Variants in PRKG2 observed in about 807,000 individuals in gnomAD.
The protein encoded by PRKG2 is protein kinase cGMP-dependent 2, also known as cGMP-dependent protein kinase 2.
Under a neutral mutation model 97.2 loss-of-function variants are expected in PRKG2, and 33 were observed. That is an observed-to-expected ratio of 0.34 (90% CI 0.26 to 0.45). PRKG2 has a LOEUF of 0.45. Among genes scored for constraint, PRKG2 ranks in the 20% least tolerant of loss-of-function variants. PRKG2 has a pLI of 1.00. For missense variants in PRKG2, 638 were observed against 900.0 expected, an observed-to-expected ratio of 0.71 and a Z score of 3.73; for synonymous variants, 330 against 321.8, an observed-to-expected ratio of 1.03 and a Z score of -0.27.
Position 81,144,336 on chromosome 4 carries a change from T to C in PRKG2, c.1155-6A>G, listed in dbSNP as rs1263317496. 1 of 1,594,806 alleles carries C rather than the reference T, an allele frequency of 6.3e-7. No individual in the cohort carries two copies. The highest frequency in any genetic ancestry group is 8.6e-7 in the Non-Finnish European group (1 of 1,163,046). Reference sequence around the variant, plus strand: ...CGACAGTTTGGTTGAATGTTCTAAATAGATAGAATAAAGTAAAATGCTCCG... The same window carrying C: ...CGACAGTTTGGTTGAATGTTCTAAACAGATAGAATAAAGTAAAATGCTCCG... On this transcript the variant is annotated splice_polypyrimidine_tract_variant and splice_region_variant and intron_variant, in intron 9 of 18. Coordinates refer to ENST00000264399, the MANE Select transcript of PRKG2 (RefSeq NM_006259.3).
intron 17 of PRKG2, among the ~76,000 whole-genome samples, chr4:81,098,326 A>ATACT (rs1316154696): frequency 2.0e-5 from 3 of 151,726 alleles, no homozygotes; most frequent in South Asian, 4.2e-4. Flanking sequence ...GTGTGAGTTA[A>ATACT]TAAACTCCCT....
intron 1 of PRKG2, among the ~76,000 whole-genome samples, chr4:81,208,561 A>G (rs1350894155): frequency 6.6e-6 from 1 of 152,060 alleles, no homozygotes; most frequent in African/African-American, 2.4e-5. Context: ...AGCTAGGACT[A>G]CAGAGGCACA....
At position 81,087,403 on chromosome 4, in the gene PRKG2, T is replaced by C. The variant is rs943754366; in HGVS notation, c.*2305A>G. 3 of 152,048 alleles carry C rather than the reference T, an allele frequency of 2.0e-5. No homozygotes were observed. The highest frequency in any genetic ancestry group is 2.0e-4 in the Admixed American group (3 of 15,256). The allele number at this position is 152,048 out of a possible 1,614,324, so 9.4% of individuals were successfully genotyped here. On this transcript the variant is annotated 3_prime_UTR_variant, in exon 19 of 19. Coordinates refer to ENST00000264399, the MANE Select transcript of PRKG2 (RefSeq NM_006259.3). ...TTGGTCAATCATTTTTACTTCATGA[T>C]TTAAAAGAAAAAAAAGACAGATACT...
intron 9 of PRKG2, among the ~76,000 whole-genome samples, chr4:81,146,375 C>CT (rs886880535): frequency 2.0e-5 from 3 of 151,432 alleles, no homozygotes; most frequent in African/African-American, 4.8e-5. Flanking sequence ...AACTAATGAA[C>CT]TTTTTTTTTG....
chr4:81,143,213 T>C (rs1281377156), intron 10 of PRKG2, among the ~76,000 whole-genome samples: 1 of 152,182 alleles, frequency 6.6e-6, no homozygotes, highest in African/African-American at 2.4e-5. Context: ...AAAATGGGTA[T>C]AGTTTGTGGT....
intron 15 of PRKG2, among the ~76,000 whole-genome samples, chr4:81,106,332 C>T (rs1378357725): frequency 6.6e-6 from 1 of 152,146 alleles, no homozygotes; most frequent in Admixed American, 6.5e-5. Context: ...GCAGACAGTT[C>T]TAAGACAGGA....
intron 17 of PRKG2, among the ~76,000 whole-genome samples, chr4:81,102,860 T>G (rs1303549288): frequency 6.6e-6 from 1 of 152,184 alleles, no homozygotes; most frequent in Non-Finnish European, 1.5e-5. Context: ...CCCTTCTCCC[T>G]TTATGTTCAT....
intron 14 of PRKG2, among the ~76,000 whole-genome samples, chr4:81,121,399 T>G (rs989509571): frequency 3.9e-5 from 6 of 152,172 alleles, no homozygotes; most frequent in Non-Finnish European, 5.9e-5. Flanking sequence ...AAATGTTGAC[T>G]GGAATTCACC....
intron 3 of PRKG2, chr4:81,173,986 C>T (rs954871874): frequency 6.6e-6 from 1 of 151,926 alleles, no homozygotes. Context: ...CAGAATGTGA[C>T]AAAACGTTCT....
chr4:81,124,999 C>T (rs939845216), intron 14 of PRKG2, among the ~76,000 whole-genome samples: 8 of 151,986 alleles, frequency 5.3e-5, no homozygotes, highest in Non-Finnish European at 7.4e-5. Context: ...TTTTTGTCTA[C>T]GACTCCACTC....
chr4:81,154,924 C>T (rs1007615360), intron 6 of PRKG2, among the ~76,000 whole-genome samples: 13 of 152,168 alleles, frequency 8.5e-5, no homozygotes, highest in African/African-American at 3.1e-4. Context: ...CCTGTAATCC[C>T]AGCACTTTGG....
intron 2 of PRKG2, among the ~76,000 whole-genome samples, chr4:81,178,577 A>G (rs1026985465): frequency 2.5e-4 from 38 of 152,190 alleles, no homozygotes; most frequent in African/African-American, 8.7e-4. Flanking sequence ...GAAGCTTGAC[A>G]CGCAAAAGAT....
At position 81,204,730 on chromosome 4, in the gene PRKG2, G is replaced by A; in HGVS notation, c.318C>T (p.His106=). 1 of 1,614,160 alleles carries A rather than the reference G, an allele frequency of 6.2e-7. No individual in the cohort carries two copies. Among genetic ancestry groups the A allele is most frequent in the Non-Finnish European group, 8.5e-7 (1 of 1,180,014 alleles). ...GAGAGACCAATCCAGAGGTCTTCCGGTGGACCTCAAGAGGCACTTTATCTG... is the reference window on the plus strand; with the variant it reads ...GAGAGACCAATCCAGAGGTCTTCCGATGGACCTCAAGAGGCACTTTATCTG... ...ASPDKVPLEV[H]RKTSGLVSLH... is the part of the protein sequence containing the mutation. The change falls in exon 2 of 19, where the codon CAC becomes CAT. Residue 106 remains histidine, a synonymous_variant. Transcript: ENST00000264399.
intron 6 of PRKG2, among the ~76,000 whole-genome samples, chr4:81,154,752 G>A (rs1469028048): frequency 6.6e-6 from 1 of 152,198 alleles, no homozygotes; most frequent in African/African-American, 2.4e-5. Flanking sequence ...ACTAGCAACA[G>A]AACAAAGCTG....
At chr4:81,118,018 C>T (rs1282637577) in intron 14 of PRKG2, among the ~76,000 whole-genome samples, 3 of 152,212 alleles carry the variant, frequency 2.0e-5, no homozygotes, top group Non-Finnish European at 4.4e-5. Flanking sequence ...GCCCCAAACC[C>T]CACCAACCAC....
At chr4:81,205,565 T>C (rs1477479744) in intron 1 of PRKG2, among the ~76,000 whole-genome samples, 2 of 152,194 alleles carry the variant, frequency 1.3e-5, no homozygotes, top group Non-Finnish European at 2.9e-5. Flanking sequence ...GGAAGCAGAG[T>C]TGGTGATGGT....
intron 2 of PRKG2, among the ~76,000 whole-genome samples, chr4:81,184,459 G>T (rs1460126422): frequency 6.6e-6 from 1 of 152,094 alleles, no homozygotes; most frequent in Non-Finnish European, 1.5e-5. Context: ...TCAACAAAAT[G>T]GATGCCCACA....
At chr4:81,139,556 A>T (rs1747048573) in intron 12 of PRKG2, among the ~76,000 whole-genome samples, 1 of 151,752 alleles carries the variant, frequency 6.6e-6, no homozygotes, top group Non-Finnish European at 1.5e-5. Context: ...TCACGAGGTC[A>T]GGAGATCGAG....
chr4:81,126,881 C>G lies in PRKG2; in HGVS notation c.1776+8274G>C, dbSNP rs1025539955. On this transcript the variant is annotated intron_variant, in intron 14 of 18. Coordinates refer to ENST00000264399, the MANE Select transcript of PRKG2 (RefSeq NM_006259.3). Reference sequence around the variant, plus strand: ...CAGAAGCTCCTTAGTTAAATTAGATCCCATTTGTCAATTTTGGCTTTGGTT... The same window carrying G: ...CAGAAGCTCCTTAGTTAAATTAGATGCCATTTGTCAATTTTGGCTTTGGTT... Among the ~76,000 whole-genome samples the G allele has an allele frequency of 2.0e-5, 3 of 152,256 alleles. No individual in the cohort carries two copies. The East Asian group carries it at 5.8e-4, about 29-fold the overall frequency.
Sources: allele counts gnomAD v4.1 joint callset (sites outside exome capture counted in the v4.1 genomes callset), GRCh38; gene constraint gnomAD v4.1.1; transcripts MANE v1.5; gene names NCBI Gene and HGNC (gene_info 2026-07-23, HGNC 2026-07-21).